Variants in EPB41L2 observed in about 807,000 individuals in gnomAD.
The protein encoded by EPB41L2 is erythrocyte membrane protein band 4.1 like 2.
In EPB41L2, 43 loss-of-function variants were observed where a neutral mutation model predicts 113.0. The observed-to-expected ratio is 0.38, with a 90% CI of 0.30 to 0.49. The LOEUF is 0.49. Among genes scored for constraint, EPB41L2 ranks in the 20% least tolerant of loss-of-function variants. EPB41L2 has a pLI of 0.95. For missense variants in EPB41L2, 1,147 were observed against 1,223.4 expected, an observed-to-expected ratio of 0.94 and a Z score of 0.93; for synonymous variants, 442 against 436.7, an observed-to-expected ratio of 1.01 and a Z score of -0.15.
At chr6:130,851,563 T>C (rs915685424) in intron 19 of EPB41L2, among the ~76,000 whole-genome samples, 1 of 152,176 alleles carries the variant, frequency 6.6e-6, no homozygotes, top group Non-Finnish European at 1.5e-5. Flanking sequence ...TCTCCCATCT[T>C]CTCAGATGAA....
chr6:131,044,989 C>A (rs1420147019), intron 1 of EPB41L2, among the ~76,000 whole-genome samples: 1 of 152,138 alleles, frequency 6.6e-6, no homozygotes, highest in Non-Finnish European at 1.5e-5. Context: ...CACATCCATA[C>A]TGAATAAAGG....
intron 1 of EPB41L2, among the ~76,000 whole-genome samples, chr6:131,012,030 C>T (rs1013713072): frequency 2.0e-5 from 3 of 152,080 alleles, no homozygotes; most frequent in African/African-American, 7.2e-5. Context: ...CATGGCAATA[C>T]CCCATCTCTA....
chr6:131,044,825 C>T (rs1176250281), intron 1 of EPB41L2, among the ~76,000 whole-genome samples: 1 of 152,084 alleles, frequency 6.6e-6, no homozygotes, highest in African/African-American at 2.4e-5. Context: ...AGTGACAGTC[C>T]ACTGGTGAGT....
In EPB41L2 at chr6:130,890,430, G is replaced by A. The variant is rs764834057; in HGVS notation, c.1524C>T (p.Phe508=). 6.2e-7 allele frequency: 1 copy of A among 1,611,454 alleles called. No individual in the cohort carries two copies. The highest frequency in any genetic ancestry group is 8.5e-7 in the Non-Finnish European group (1 of 1,179,480). The change falls in exon 11 of 20, where the codon TTC becomes TTT. Residue 508 remains phenylalanine (F), a synonymous_variant. Coordinates refer to ENST00000337057, the MANE Select transcript of EPB41L2 (RefSeq NM_001431.4). ...AGCGAAATTTGGACCCCAAGGTCAGGAACTTGGCTTTTGGTGGCTGCTCTG... is the reference window on the plus strand; with the variant it reads ...AGCGAAATTTGGACCCCAAGGTCAGAAACTTGGCTTTTGGTGGCTGCTCTG... ...VSPEQPPKAK[F]LTLGSKFRYS... is the part of the protein sequence containing the mutation.
chr6:130,839,970 T>C lies in EPB41L2; in HGVS notation c.*634A>G, dbSNP rs1775008867. ...CTGACTCTCTACTAAAAGTAGAAAG[T>C]CACAGGACTGGAAAGTCAAAAGGGT... On this transcript the variant is annotated 3_prime_UTR_variant, in exon 20 of 20. Coordinates refer to ENST00000337057, the MANE Select transcript of EPB41L2 (RefSeq NM_001431.4). 1 of 152,160 alleles carries C rather than the reference T, an allele frequency of 6.6e-6. No homozygotes were observed. Among genetic ancestry groups the C allele is most frequent in the Admixed American group, 6.5e-5 (1 of 15,272 alleles). The allele number at this position is 152,160 out of a possible 1,614,324, so 9.4% of individuals were successfully genotyped here. A position where few individuals can be genotyped will look rare whatever the true frequency, so the allele number is the denominator to read the frequency against.
At chr6:131,062,932 C>A (rs928107351) in intron 1 of EPB41L2, among the ~76,000 whole-genome samples, 2 of 152,076 alleles carry the variant, frequency 1.3e-5, no homozygotes, top group Non-Finnish European at 1.5e-5. Flanking sequence ...TCGGGTCGGG[C>A]AGAGACCGGG....
Position 130,926,705 on chromosome 6 carries a change from T to C in EPB41L2, c.710A>G (p.His237Arg), listed in dbSNP as rs779614385. 1 of 1,592,622 alleles carries C rather than the reference T, an allele frequency of 6.3e-7. No individual in the cohort carries two copies. Among genetic ancestry groups the C allele is most frequent in the Middle Eastern group, 1.7e-4 (1 of 5,994 alleles). Residue 237 changes from histidine (H) to arginine (R), a missense_variant, in exon 4 of 20, where the codon CAT becomes CGT. By Grantham distance (29) the His-to-Arg change is conservative. Transcript: ENST00000337057. ...GTEYSCDLEKHAKGQVLFDKV... is the reference protein window; with the variant it reads ...GTEYSCDLEKRAKGQVLFDKV... ...GTCAAATAACACTTGTCCCTTGGCA[T>C]GTTTCTGGAGAAAAAATAATAACTT...
intron 1 of EPB41L2, among the ~76,000 whole-genome samples, chr6:130,968,003 C>T (rs1775769940): frequency 6.6e-6 from 1 of 152,126 alleles, no homozygotes; most frequent in Non-Finnish European, 1.5e-5. Flanking sequence ...ATGACAGATG[C>T]CAGCGAGTCT....
intron 8 of EPB41L2, among the ~76,000 whole-genome samples, chr6:130,898,226 A>C (rs1241413979): frequency 1.3e-5 from 2 of 152,088 alleles, no homozygotes; most frequent in African/African-American, 4.8e-5. Flanking sequence ...TAGTTTTGTA[A>C]TAAAGAAAAA....
intron 3 of EPB41L2, among the ~76,000 whole-genome samples, chr6:130,936,968 C>A (rs1809028756): frequency 6.6e-6 from 1 of 152,350 alleles, no homozygotes; most frequent in African/African-American, 2.4e-5. Context: ...GCATCTGTAA[C>A]TTTTTATTTA....
intron 13 of EPB41L2, 104 bp downstream of exon 13, chr6:130,880,040 T>C: frequency 1.3e-6 from 1 of 785,098 alleles, no homozygotes; most frequent in South Asian, 1.7e-5. Flanking sequence ...ATGCACTGCA[T>C]GCACCGTGCT....
chr6:130,912,129 C>G (rs9402298), intron 4 of EPB41L2, among the ~76,000 whole-genome samples: 118,835 of 152,084 alleles, frequency 0.78, 46,930 homozygotes, highest in East Asian at 1. Flanking sequence ...TTGATGATCT[C>G]AGGTGGAGCA....
chr6:130,858,674 T>C (rs1781046123), intron 18 of EPB41L2, among the ~76,000 whole-genome samples: 1 of 152,254 alleles, frequency 6.6e-6, no homozygotes, highest in Non-Finnish European at 1.5e-5. Context: ...ATTCAGGTGA[T>C]ACTAGCTGTC....
intron 3 of EPB41L2, among the ~76,000 whole-genome samples, chr6:130,949,462 G>T (rs1467971147): frequency 6.6e-6 from 1 of 152,104 alleles, no homozygotes; most frequent in East Asian, 1.9e-4. Context: ...GATAAGCTAG[G>T]CATGGTGGCA....
At chr6:130,941,506 T>C (rs1695935883) in intron 3 of EPB41L2, among the ~76,000 whole-genome samples, 1 of 152,246 alleles carries the variant, frequency 6.6e-6, no homozygotes, top group African/African-American at 2.4e-5. Flanking sequence ...TTCTGTAGGC[T>C]AGCACATTCT....
At position 130,975,047 on chromosome 6, in the gene EPB41L2, G is replaced by C. The variant is rs145825971; in HGVS notation, c.-14-18548C>G. On this transcript the variant is annotated intron_variant, in intron 1 of 19. Coordinates refer to ENST00000337057, the MANE Select transcript of EPB41L2 (RefSeq NM_001431.4). ...CCCAGAGAGGTGAAATAACATGTGA[G>C]GTTACTTGATGGGTTATTAGCAGAG... Among the ~76,000 whole-genome samples, 17 of 152,192 alleles carry C rather than the reference G, an allele frequency of 1.1e-4. No homozygotes were observed. The East Asian group carries it at 3.3e-3, about 29-fold the overall frequency.
chr6:130,905,904 A>G (rs989296032), intron 5 of EPB41L2, among the ~76,000 whole-genome samples: 1 of 152,154 alleles, frequency 6.6e-6, no homozygotes, highest in Admixed American at 6.5e-5. Flanking sequence ...ATACAAATGC[A>G]TTTTTTGCTG....
At chr6:130,856,690 C>G (rs543004590) in intron 19 of EPB41L2, among the ~76,000 whole-genome samples, 3 of 152,312 alleles carry the variant, frequency 2.0e-5, no homozygotes, top group African/African-American at 7.2e-5. Flanking sequence ...GGTTACCTAT[C>G]TATTGACTGT....
intron 10 of EPB41L2, among the ~76,000 whole-genome samples, chr6:130,892,422 T>A (rs868271550): frequency 1.2e-4 from 16 of 136,146 alleles, no homozygotes; most frequent in African/African-American, 2.0e-4. Flanking sequence ...TTTTTTTTTT[T>A]ATCATTATGT....
Sources: gnomAD v4.1 joint callset for allele counts (sites outside exome capture counted in the v4.1 genomes callset) on GRCh38, gnomAD v4.1.1 for gene constraint, MANE v1.5 for transcripts, NCBI Gene and HGNC (gene_info 2026-07-23, HGNC 2026-07-21) for gene names.